The following C10orf53 variants were observed in gnomAD, a reference collection of about 807,000 sequenced individuals.
C10orf53 encodes chromosome 10 open reading frame 53, also known as UPF0728 protein C10orf53.
A neutral mutation model predicts 9.4 loss-of-function variants in C10orf53; 8 were observed. The ratio of observed to expected loss-of-function variants is 0.85; its 90% CI spans 0.50 to 1.53. C10orf53 has a LOEUF of 1.53. Ranked by LOEUF, C10orf53 falls within the 40% of genes most tolerant of loss-of-function variation. C10orf53 has a pLI of 0.00. For synonymous variants in C10orf53, 48 were observed against 46.0 expected, an observed-to-expected ratio of 1.04 and a Z score of -0.18; for missense variants, 117 against 117.8, an observed-to-expected ratio of 0.99 and a Z score of 0.03.
intron 2 of C10orf53, among the ~76,000 whole-genome samples, chr10:49,704,574 C>T (rs1274136798): frequency 6.6e-6 from 1 of 152,054 alleles, no homozygotes; most frequent in Admixed American, 6.6e-5. Context: ...AACCCTGTCT[C>T]TACTAAAAAT....
chr10:49,689,094 T>C (rs760617613), intron 1 of C10orf53, among the ~76,000 whole-genome samples: 18 of 152,054 alleles, frequency 1.2e-4, no homozygotes, highest in Non-Finnish European at 2.5e-4. Flanking sequence ...AAACATTAGT[T>C]AAGAAAATCA....
chr10:49,694,526 C>T lies in C10orf53; in HGVS notation c.218-12C>T. On this transcript the variant is annotated splice_polypyrimidine_tract_variant and intron_variant, in intron 2 of 2. Coordinates refer to ENST00000374111, the MANE Select transcript of C10orf53 (RefSeq NM_001042427.3). Reference sequence around the variant, plus strand: ...AAAGCTAACCAAAAGACAATTATATCTGTTTCCCTAGGAGGCGATGGTAAA... The same window carrying T: ...AAAGCTAACCAAAAGACAATTATATTTGTTTCCCTAGGAGGCGATGGTAAA... 1 of 1,614,052 alleles carries T rather than the reference C, an allele frequency of 6.2e-7. No individual in the cohort carries two copies. Among genetic ancestry groups the T allele is most frequent in the African/African-American group, 1.3e-5 (1 of 75,074 alleles).
In C10orf53 at chr10:49,679,695, G is replaced by C; in HGVS notation, c.-3G>C. The C allele has an allele frequency of 1.3e-6, 2 of 1,546,048 alleles. No individual in the cohort carries two copies. Among genetic ancestry groups the C allele is most frequent in the Middle Eastern group, 1.8e-4 (1 of 5,694 alleles). On this transcript the variant is annotated 5_prime_UTR_variant, in exon 1 of 3. Coordinates refer to ENST00000374111, the MANE Select transcript of C10orf53 (RefSeq NM_001042427.3). ...TTGCCTCTGCGGCGGCGGAGGCCTGGCGATGCCCAAGAACGCAGTGGTCAT... is the reference window on the plus strand; with the variant it reads ...TTGCCTCTGCGGCGGCGGAGGCCTGCCGATGCCCAAGAACGCAGTGGTCAT...
At chr10:49,704,742 T>C (rs1840710936) in intron 2 of C10orf53, among the ~76,000 whole-genome samples, 1 of 152,118 alleles carries the variant, frequency 6.6e-6, no homozygotes, top group African/African-American at 2.4e-5. Context: ...AGACTCTGTC[T>C]CAAAAAATTA....
At chr10:49,709,945 CTG>C (rs147584592) in exon 3 of C10orf53, 2,009 of 112,090 alleles carry the variant, frequency 0.018, 36 homozygotes, top group African/African-American at 0.044. Flanking sequence ...CACCCTATAT[CTG>C]TGTGTGTGTG....
exon 3 of C10orf53, chr10:49,708,511 T>C (rs766521176): frequency 2.5e-6 from 4 of 1,614,178 alleles, no homozygotes; most frequent in Admixed American, 1.7e-5. Context: ...TTGGCCCAGA[T>C]TGGATCATGT....
intron 2 of C10orf53, among the ~76,000 whole-genome samples, chr10:49,702,835 A>G (rs961962914): frequency 6.6e-6 from 1 of 152,118 alleles, no homozygotes; most frequent in Non-Finnish European, 1.5e-5. Flanking sequence ...AGTCCCAGAG[A>G]CCCTGACTCC....
exon 3 of C10orf53, chr10:49,708,680 T>G: frequency 1.3e-6 from 2 of 1,589,870 alleles, no homozygotes; most frequent in Non-Finnish European, 1.7e-6. Flanking sequence ...TGGGTCTGTT[T>G]CCAGAATAAG....
At position 49,694,559 on chromosome 10, in the gene C10orf53, C is replaced by T; in HGVS notation, c.239C>T (p.Pro80Leu). 6.2e-7 allele frequency: 1 copy of T among 1,614,226 alleles called. No homozygotes were observed. Among genetic ancestry groups the T allele is most frequent in the East Asian group, 2.2e-5 (1 of 44,884 alleles). ...CTAGGAGGCGATGGTAAACTAGACC[C>T]ACTGTGTGAAAAGGCCAGGATAGCC... ...LEFGGDGKLD[P>L]LCEKARIAVL... Residue 80 changes from proline to leucine, a missense_variant, in exon 3 of 3, where the codon CCA becomes CTA. Coordinates refer to ENST00000374111, the MANE Select transcript of C10orf53 (RefSeq NM_001042427.3).
Position 49,696,069 on chromosome 10 carries a change from T to G in C10orf53, c.*1467T>G, listed in dbSNP as rs1265981297. On this transcript the variant is annotated 3_prime_UTR_variant, in exon 3 of 3. Coordinates refer to ENST00000374111, the MANE Select transcript of C10orf53 (RefSeq NM_001042427.3). ...TATATATTTCAATTTGGGTTTCTTC[T>G]GTTTATGTCTGAATATTCATAAAGA... 6.6e-6 allele frequency: 1 copy of G among 152,242 alleles called. No individual in the cohort carries two copies. The highest frequency in any genetic ancestry group is 1.5e-5 in the Non-Finnish European group (1 of 68,046). 9.4% of individuals were successfully genotyped at this position (152,242 alleles called of 1,614,324 possible).
chr10:49,693,843 T>C lies in C10orf53; in HGVS notation c.167T>C (p.Met56Thr), dbSNP rs1840608421. Residue 56 changes from methionine (M) to threonine (T), a missense_variant, in exon 2 of 3, where the codon ATG (methionine) becomes ACG (threonine). Physicochemically the swap from Met to Thr is moderately conservative, Grantham distance 81. Transcript: ENST00000374111. ...KIEDWNVVEL[M>T]VNEEVIFHCN... ...GAAGACTGGAATGTGGTGGAACTCA[T>C]GGTGAATGAAGAAGTCATCTTCCAC... 6.2e-7 allele frequency: 1 copy of C among 1,614,198 alleles called. No individual in the cohort carries two copies. Among genetic ancestry groups the C allele is most frequent in the African/African-American group, 1.3e-5 (1 of 75,062 alleles).
Position 49,694,796 on chromosome 10 carries a change from T to A in C10orf53, c.*194T>A. ...GCTGCACAGGAGCCCACAGAAATAA[T>A]AAAAACCACATCATTTATAACATGT... On this transcript the variant is annotated 3_prime_UTR_variant, in exon 3 of 3. Coordinates refer to ENST00000374111, the MANE Select transcript of C10orf53 (RefSeq NM_001042427.3). 3 of 1,396,032 alleles carry A rather than the reference T, an allele frequency of 2.1e-6. No individual in the cohort carries two copies. The highest frequency in any genetic ancestry group is 2.8e-6 in the Non-Finnish European group (3 of 1,078,068). The allele number at this position is 1,396,032 out of a possible 1,614,324, so 86.5% of individuals were successfully genotyped here.
chr10:49,680,810 A>G (rs1160257245), intron 1 of C10orf53, among the ~76,000 whole-genome samples: 1 of 152,180 alleles, frequency 6.6e-6, no homozygotes, highest in East Asian at 1.9e-4. Flanking sequence ...AAAGAATGTT[A>G]TCCGGATCTA....
intron 1 of C10orf53, among the ~76,000 whole-genome samples, chr10:49,687,982 A>G (rs901309738): frequency 2.0e-5 from 3 of 152,234 alleles, no homozygotes; most frequent in Non-Finnish European, 4.4e-5. Flanking sequence ...GCTGGAAATT[A>G]CGTTCTGGAG....
Position 49,696,196 on chromosome 10 carries a change from G to A in C10orf53, c.*1594G>A, listed in dbSNP as rs1171040276. Among the ~76,000 whole-genome samples, 1 of 152,106 alleles carries A rather than the reference G, an allele frequency of 6.6e-6. No homozygotes were observed. Among genetic ancestry groups the A allele is most frequent in the Non-Finnish European group, 1.5e-5 (1 of 68,024 alleles). On this transcript the variant is annotated 3_prime_UTR_variant, in exon 3 of 3. Coordinates refer to ENST00000374111, the MANE Select transcript of C10orf53 (RefSeq NM_001042427.3). ...TTTATTTTAGATACAGGGGGTACAT[G>A]GGCAGGTATGTTGAATCTTTTTTTA...
At chr10:49,684,663 T>C (rs570310807) in intron 1 of C10orf53, among the ~76,000 whole-genome samples, 1 of 152,384 alleles carries the variant, frequency 6.6e-6, no homozygotes, top group African/African-American at 2.4e-5. Context: ...CAATCATTGC[T>C]AGTGTGTAGA....
intron 1 of C10orf53, among the ~76,000 whole-genome samples, chr10:49,687,506 C>T (rs1840540411): frequency 2.0e-5 from 3 of 152,160 alleles, no homozygotes; most frequent in Admixed American, 2.0e-4. Context: ...AATTGGGCTC[C>T]ACCATTTAGT....
At chr10:49,707,568 CA>C (rs1171572788) in intron 2 of C10orf53, among the ~76,000 whole-genome samples, 3 of 152,172 alleles carry the variant, frequency 2.0e-5, no homozygotes, top group Non-Finnish European at 4.4e-5. Context: ...GATCGAGCTC[CA>C]AGACTTGACT....
exon 3 of C10orf53, chr10:49,708,685 A>AG: frequency 6.4e-7 from 1 of 1,573,498 alleles, no homozygotes; most frequent in Non-Finnish European, 8.6e-7. Context: ...CTGTTTCCAG[A>AG]ATAAGGGTGA....
Sources: allele counts gnomAD v4.1 joint callset (sites outside exome capture counted in the v4.1 genomes callset), GRCh38; gene constraint gnomAD v4.1.1; transcripts MANE v1.5; gene names NCBI Gene and HGNC (gene_info 2026-07-23, HGNC 2026-07-21).